CR1: variants seen among roughly 807,000 people sequenced by gnomAD.
The protein encoded by CR1 is complement C3b/C4b receptor 1 (Knops blood group), also known as complement receptor type 1.
In CR1, 116 loss-of-function variants were observed where a neutral mutation model predicts 187.3. That is an observed-to-expected ratio of 0.62 (90% CI 0.53 to 0.72). The LOEUF (loss-of-function observed/expected upper bound fraction) is 0.72. CR1 is among the 30% of genes least tolerant of loss of function. The probability of loss-of-function intolerance (pLI) is 0.00; values close to 1 mark genes in which losing one functional copy is unlikely to be tolerated. For synonymous variants in CR1, 576 were observed against 747.1 expected, an observed-to-expected ratio of 0.77 and a Z score of 3.73; for missense variants, 1,731 against 2,110.7, an observed-to-expected ratio of 0.82 and a Z score of 3.52.
chr1:207,616,629 C>A lies in CR1; in HGVS notation c.6716C>A (p.Pro2239His). The A allele has an allele frequency of 1.2e-6, 2 of 1,613,746 alleles. No homozygotes were observed. The highest frequency in any genetic ancestry group is 1.7e-6 in the Non-Finnish European group (2 of 1,179,724). Residue 2239 changes from proline (P) to histidine (H), a missense_variant, in exon 41 of 47, where the codon CCC (proline) becomes CAC (histidine). Pro to His is a moderately conservative substitution (Grantham distance 77). This residue lies in a region of CR1 where 1,312 missense variants were observed against 1,379.6 expected (regional missense o/e 0.95). Transcript: ENST00000367049. ...CTTAATGGGAGACACACAGGAACTC[C>A]CTTTGGAGATATTCCCTATGGAAAA... is the stretch of plus-strand genomic sequence containing the variant. ...AILNGRHTGT[P>H]FGDIPYGKEI... is the part of the protein sequence containing the mutation.
intron 35 of CR1, among the ~76,000 whole-genome samples, chr1:207,597,229 G>A (rs1234289608): frequency 1.3e-5 from 2 of 151,736 alleles, no homozygotes; most frequent in Admixed American, 6.6e-5. Flanking sequence ...TAAATAAAAA[G>A]GAAAGAACAC....
At chr1:207,630,187 G>A (rs1662598138) in intron 45 of CR1, among the ~76,000 whole-genome samples, 1 of 152,180 alleles carries the variant, frequency 6.6e-6, no homozygotes, top group Non-Finnish European at 1.5e-5. Flanking sequence ...TGCAGCTTAA[G>A]TGTCAAAATC....
At chr1:207,577,582 C>T (rs1022336035) in intron 28 of CR1, among the ~76,000 whole-genome samples, 21 of 152,070 alleles carry the variant, frequency 1.4e-4, no homozygotes, top group African/African-American at 5.1e-4. Flanking sequence ...CTAGCCTGCC[C>T]AACATGGCCA....
At chr1:207,496,724 G>T (rs2102326359) in intron 1 of CR1, among the ~76,000 whole-genome samples, 1 of 152,358 alleles carries the variant, frequency 6.6e-6, no homozygotes, top group East Asian at 1.9e-4. Flanking sequence ...CCAAGACGTG[G>T]CGTTGATCCT....
At chr1:207,584,338 T>C (rs1295115616) in intron 32 of CR1, among the ~76,000 whole-genome samples, 17 of 152,192 alleles carry the variant, frequency 1.1e-4, no homozygotes, top group Admixed American at 1.1e-3. Flanking sequence ...ATGATTCCCC[T>C]TTAATGTGAC....
chr1:207,501,747 A>G (rs1334157110), intron 1 of CR1, among the ~76,000 whole-genome samples: 2 of 152,168 alleles, frequency 1.3e-5, no homozygotes, highest in African/African-American at 2.4e-5. Context: ...TTGCTGTGAC[A>G]TTTACCCTCT....
At chr1:207,506,327 G>T (rs1236848934) in intron 2 of CR1, among the ~76,000 whole-genome samples, 1 of 152,214 alleles carries the variant, frequency 6.6e-6, no homozygotes, top group African/African-American at 2.4e-5. Context: ...CCCATTCACT[G>T]GGGGTCTCCC....
chr1:207,597,983 A>G (rs1661496590), intron 35 of CR1, among the ~76,000 whole-genome samples: 2 of 152,250 alleles, frequency 1.3e-5, no homozygotes, highest in Admixed American at 1.3e-4. Flanking sequence ...TGCTAAGTGA[A>G]ATGAGCCAGA....
At chr1:207,579,314 G>A (rs527635536) in intron 29 of CR1, among the ~76,000 whole-genome samples, 10 of 152,296 alleles carry the variant, frequency 6.6e-5, no homozygotes, top group African/African-American at 2.2e-4. Context: ...AGGAGCTTAC[G>A]ATTCTTCTAC....
intron 35 of CR1, among the ~76,000 whole-genome samples, chr1:207,597,030 ATTATT>A (rs1235336161): frequency 6.7e-6 from 1 of 148,956 alleles, no homozygotes; most frequent in Non-Finnish European, 1.5e-5. Flanking sequence ...GATAAAATCT[ATTATT>A]TTATATCAAT....
intron 27 of CR1, among the ~76,000 whole-genome samples, chr1:207,573,147 C>G (rs1484542136): frequency 1.3e-5 from 2 of 152,112 alleles, no homozygotes; most frequent in Non-Finnish European, 2.9e-5. Flanking sequence ...CAGGTGCTCA[C>G]AGCACACGGT....
In CR1 at chr1:207,618,138, T is replaced by C. The variant is rs1328311518; in HGVS notation, c.6957T>C (p.Pro2319=). Residue 2319 remains proline, a synonymous_variant, in exon 42 of 47, where the codon CCT becomes CCC. Transcript: ENST00000367049. ...YIGGHVSLYL[P]GMTISYICDP... ...GAGGACACGTATCTCTATATCTTCC[T>C]GGGATGACAATCAGCTACATTTGTG... is the stretch of plus-strand genomic sequence containing the variant. The C allele has an allele frequency of 1.2e-6, 2 of 1,613,970 alleles. No homozygotes were observed. Among genetic ancestry groups the C allele is most frequent in the Non-Finnish European group, 8.5e-7 (1 of 1,179,876 alleles).
At chr1:207,612,985 C>T (rs1661979321) in intron 39 of CR1, among the ~76,000 whole-genome samples, 1 of 152,220 alleles carries the variant, frequency 6.6e-6, no homozygotes. Flanking sequence ...CGCCCCACAT[C>T]TCCTGTCGCC....
At chr1:207,639,017 G>A (rs1360366492) in intron 46 of CR1, among the ~76,000 whole-genome samples, 1 of 152,222 alleles carries the variant, frequency 6.6e-6, no homozygotes, top group African/African-American at 2.4e-5. Flanking sequence ...AAAACCCTGA[G>A]GAACAAAGGG....
intron 5 of CR1, among the ~76,000 whole-genome samples, chr1:207,524,975 G>A (rs1159819393): frequency 6.6e-6 from 1 of 152,038 alleles, no homozygotes; most frequent in African/African-American, 2.4e-5. Context: ...CTGTACAGGA[G>A]GCATGGCTAG....
At chr1:207,566,072 T>C in intron 24 of CR1, 149 bp downstream of exon 24, 2 of 1,139,064 alleles carry the variant, frequency 1.8e-6, no homozygotes, top group Non-Finnish European at 2.5e-6. Flanking sequence ...TGGTTGTGAA[T>C]CAATATGTAC....
chr1:207,598,270 GA>G (rs1571577599), intron 35 of CR1, among the ~76,000 whole-genome samples: 3 of 151,010 alleles, frequency 2.0e-5, no homozygotes, highest in Admixed American at 6.6e-5. Context: ...CAATAAGAAA[GA>G]AAAAAATTTT....
chr1:207,622,063 A>G, intron 44 of CR1, 67 bp downstream of exon 44: 1 of 1,272,928 alleles, frequency 7.9e-7, no homozygotes, highest in South Asian at 1.3e-5. Flanking sequence ...ACCTATAATG[A>G]ATGAAATGTA....
At chr1:207,622,521 A>G (rs1013293795) in intron 44 of CR1, among the ~76,000 whole-genome samples, 2 of 152,254 alleles carry the variant, frequency 1.3e-5, no homozygotes, top group African/African-American at 4.8e-5. Context: ...ACAGAGAGTT[A>G]ACGTAACTTG....
Sources: gnomAD v4.1 joint callset for allele counts (sites outside exome capture counted in the v4.1 genomes callset) on GRCh38, gnomAD v4.1.1 for gene constraint, gnomAD v4.1.1 regional missense constraint, MANE v1.5 for transcripts, NCBI Gene and HGNC (gene_info 2026-07-23, HGNC 2026-07-21) for gene names.